Variants in PPP1R37 observed in about 807,000 individuals in gnomAD.
PPP1R37 encodes protein phosphatase 1 regulatory subunit 37.
A neutral mutation model predicts 61.0 loss-of-function variants in PPP1R37; 21 were observed. The observed-to-expected ratio is 0.34, with a 90% CI of 0.24 to 0.50. PPP1R37 has a LOEUF of 0.50. PPP1R37 is among the 20% of genes least tolerant of loss of function. The pLI is 0.98. For missense variants in PPP1R37, 910 were observed against 952.7 expected (o/e 0.96, Z 0.59); for synonymous variants, 443 against 433.5 (o/e 1.02, Z -0.27).
rs117625742 is a variant in PPP1R37 at position 45,121,974 on chromosome 19, A to T, written c.203-16540A>T. ...AGTGTAGACGTGTGGTTTTGCAGGG[A>T]TAGAGACGTGCAGCAGCACATCCGC... On this transcript the variant is annotated intron_variant, in intron 1 of 12. Transcript: ENST00000221462. The surrounding 1 kb of genome is among the most constrained non-coding windows in gnomAD (Gnocchi z 4.2). Among the ~76,000 whole-genome samples, 1 of 152,180 alleles carries T rather than the reference A, an allele frequency of 6.6e-6. No individual in the cohort carries two copies. The highest frequency in any genetic ancestry group is 1.9e-4 in the East Asian group (1 of 5,176).
intron 5 of PPP1R37, among the ~76,000 whole-genome samples, chr19:45,141,688 T>C (rs1968613917): frequency 6.6e-6 from 1 of 152,162 alleles, no homozygotes. Flanking sequence ...CGTAATGTCA[T>C]CCTTCTGTAA....
intron 1 of PPP1R37, among the ~76,000 whole-genome samples, chr19:45,103,925 T>C (rs141467094): frequency 1.9e-4 from 29 of 152,240 alleles, no homozygotes; most frequent in African/African-American, 6.3e-4. Context: ...AGGGCTCCAC[T>C]GTAACTACAG....
At chr19:45,112,279 C>A (rs1047577415) in intron 1 of PPP1R37, among the ~76,000 whole-genome samples, 5 of 152,212 alleles carry the variant, frequency 3.3e-5, no homozygotes, top group African/African-American at 9.6e-5. Context: ...ATACATTTCA[C>A]CTGGAGTGCT....
intron 1 of PPP1R37, among the ~76,000 whole-genome samples, chr19:45,124,669 A>C (rs1370088915): frequency 6.6e-6 from 1 of 152,104 alleles, no homozygotes; most frequent in Non-Finnish European, 1.5e-5. Flanking sequence ...TGGCCTGAGT[A>C]GGTTTTGGGG....
chr19:45,098,975 C>G (rs925563461), intron 1 of PPP1R37, among the ~76,000 whole-genome samples: 1 of 152,172 alleles, frequency 6.6e-6, no homozygotes, highest in East Asian at 1.9e-4. Flanking sequence ...CTCTCTGCCT[C>G]GATTTTTCTG....
Position 45,145,391 on chromosome 19 carries a change from C to G in PPP1R37, c.1335C>G (p.Ala445=), listed in dbSNP as rs773605941. The change falls in exon 11 of 13, where the codon GCC becomes GCG. Residue 445 remains alanine, a synonymous_variant. Coordinates refer to ENST00000221462, the MANE Select transcript of PPP1R37 (RefSeq NM_019121.2). ...TCGAGACGCAGAAGGCGCTGCTGGC[C>G]GAGATCCAGAACGGCTGCAAGCGCA... ...SFIETQKALL[A]EIQNGCKRNL... 9.1e-6 allele frequency: 14 copies of G among 1,535,356 alleles called. No homozygotes were observed. The highest frequency in any genetic ancestry group is 7.1e-5 in the South Asian group (6 of 84,040).
intron 1 of PPP1R37, among the ~76,000 whole-genome samples, chr19:45,137,981 A>G (rs961419478): frequency 1.3e-4 from 20 of 152,130 alleles, no homozygotes; most frequent in Non-Finnish European, 2.2e-4. Flanking sequence ...TCCACCAGAA[A>G]TAAAAATGAT....
intron 1 of PPP1R37, among the ~76,000 whole-genome samples, chr19:45,135,497 A>G (rs1344813485): frequency 6.6e-6 from 1 of 152,236 alleles, no homozygotes; most frequent in East Asian, 1.9e-4. Flanking sequence ...CCCACCCTGT[A>G]AAACAGCTAC....
chr19:45,131,501 TTTC>T (rs758538407), intron 1 of PPP1R37, among the ~76,000 whole-genome samples: 1 of 152,222 alleles, frequency 6.6e-6, no homozygotes, highest in Non-Finnish European at 1.5e-5. Context: ...GCAGGTGTCT[TTTC>T]TTCTCCCAGA....
chr19:45,107,843 C>T (rs1968151742), intron 1 of PPP1R37, among the ~76,000 whole-genome samples: 1 of 152,170 alleles, frequency 6.6e-6, no homozygotes, highest in Non-Finnish European at 1.5e-5. Flanking sequence ...CCTGCTTCTG[C>T]ACTTCATTTT....
intron 1 of PPP1R37, 71 bp from the exon 2 acceptor site, chr19:45,138,443 G>A (rs183104876): frequency 2.2e-5 from 24 of 1,098,364 alleles, no homozygotes; most frequent in East Asian, 1.3e-4. Flanking sequence ...GCCTTAGGGC[G>A]GGAGTGGGTG....
chr19:45,142,535 G>A (rs1250279868), intron 7 of PPP1R37, 77 bp downstream of exon 7: 41 of 1,433,502 alleles, frequency 2.9e-5, no homozygotes, highest in Non-Finnish European at 3.7e-5. Flanking sequence ...GGTGGTGCTG[G>A]GGACACAGAC....
At chr19:45,132,043 C>T (rs1968484254) in intron 1 of PPP1R37, among the ~76,000 whole-genome samples, 1 of 152,212 alleles carries the variant, frequency 6.6e-6, no homozygotes, top group Non-Finnish European at 1.5e-5. Context: ...ATCCCCAACA[C>T]ATGCCTGCTT....
intron 1 of PPP1R37, among the ~76,000 whole-genome samples, chr19:45,118,002 C>T (rs571195355): frequency 1.1e-4 from 16 of 152,328 alleles, no homozygotes; most frequent in Admixed American, 6.5e-4. Flanking sequence ...AGGTGCCCAG[C>T]GGTTGTTCAC....
chr19:45,128,251 C>T (rs1968433644), intron 1 of PPP1R37, among the ~76,000 whole-genome samples: 1 of 152,186 alleles, frequency 6.6e-6, no homozygotes, highest in Admixed American at 6.6e-5. Context: ...TAGCTAATGA[C>T]AATCCACAGC....
At position 45,130,496 on chromosome 19, in the gene PPP1R37, A is replaced by G. The variant is rs1206029390; in HGVS notation, c.203-8018A>G. ...CCTGCCCCAGTGGTTGCTGCCTGCCACGGGGTTTGCACAGGGACTGCGCAG... is the reference window on the plus strand; with the variant it reads ...CCTGCCCCAGTGGTTGCTGCCTGCCGCGGGGTTTGCACAGGGACTGCGCAG... On this transcript the variant is annotated intron_variant, in intron 1 of 12. Transcript: ENST00000221462. This position sits in a 1 kb window ranked among gnomAD's most constrained non-coding sequence, Gnocchi z 4.4. 6.6e-6 allele frequency among the ~76,000 whole-genome samples: 1 copy of G among 151,886 alleles called. No individual in the cohort carries two copies. The highest frequency in any genetic ancestry group is 1.5e-5 in the Non-Finnish European group (1 of 67,976).
At position 45,093,388 on chromosome 19, in the gene PPP1R37, C is replaced by T. The variant is rs1043771319; in HGVS notation, c.63C>T (p.Ala21=). The T allele has an allele frequency of 4.6e-6, 7 of 1,532,754 alleles. No individual in the cohort carries two copies. The South Asian group carries it at 7.2e-5, about 16-fold the overall frequency. 94.9% of individuals were successfully genotyped at this position (1,532,754 alleles called of 1,614,324 possible). A position where few individuals can be genotyped will look rare whatever the true frequency, so the allele number is the denominator to read the frequency against. ...GCGCGGACGGCGACATTGAAGAGGC[C>T]CCAGCTGAGGCCGGGTCTCCCAGCC... is the stretch of plus-strand genomic sequence containing the variant. ...VPGADGDIEE[A]PAEAGSPSPA... Residue 21 remains alanine, a synonymous_variant, in exon 1 of 13, where the codon GCC becomes GCT. Coordinates refer to ENST00000221462, the MANE Select transcript of PPP1R37 (RefSeq NM_019121.2).
At chr19:45,094,278 C>A (rs2122701169) in intron 1 of PPP1R37, among the ~76,000 whole-genome samples, 1 of 152,274 alleles carries the variant, frequency 6.6e-6, no homozygotes, top group South Asian at 2.1e-4. Flanking sequence ...GCCACCGCCG[C>A]CTGCTGCAAT....
intron 1 of PPP1R37, among the ~76,000 whole-genome samples, chr19:45,115,868 G>A (rs1282335791): frequency 6.6e-6 from 1 of 152,026 alleles, no homozygotes; most frequent in African/African-American, 2.4e-5. Context: ...CACCTACTCG[G>A]GAGGCTGAGG....
Sources: allele counts gnomAD v4.1 joint callset (sites outside exome capture counted in the v4.1 genomes callset), GRCh38; gene constraint gnomAD v4.1.1; non-coding constraint Gnocchi (gnomAD v3.1); transcripts MANE v1.5; gene names NCBI Gene and HGNC (gene_info 2026-07-23, HGNC 2026-07-21).